The following CCNYL1 variants were observed in gnomAD, a reference collection of about 807,000 sequenced individuals.
CCNYL1 encodes the protein cyclin-Y-like protein 1.
CCNYL1 carries 16 observed loss-of-function variants against 44.2 expected under a neutral mutation model. That is an observed-to-expected ratio of 0.36 (90% confidence interval 0.25 to 0.55). The LOEUF is 0.55. Among genes scored for constraint, CCNYL1 ranks in the 20% least tolerant of loss-of-function variants. The probability of loss-of-function intolerance (pLI) is 0.85; values close to 1 mark genes in which losing one functional copy is unlikely to be tolerated. For missense variants in CCNYL1, 348 were observed against 451.8 expected (o/e 0.77, Z 2.08); for synonymous variants, 159 against 163.2 (o/e 0.97, Z 0.20).
intron 7 of CCNYL1, 141 bp from the exon 8 acceptor site, chr2:207,746,906 G>A: frequency 3.4e-6 from 2 of 596,484 alleles, no homozygotes; most frequent in Non-Finnish European, 5.7e-6. Flanking sequence ...AACCTGGGAG[G>A]CGGAGGTTCT....
At chr2:207,729,882 ATT>A (rs77714154) in intron 3 of CCNYL1, among the ~76,000 whole-genome samples, 4 of 146,230 alleles carry the variant, frequency 2.7e-5, no homozygotes, top group East Asian at 2.0e-4. Context: ...CGCCTGGCTA[ATT>A]TTTTTTTTTT....
intron 7 of CCNYL1, among the ~76,000 whole-genome samples, chr2:207,746,025 T>C (rs2091852472): frequency 6.6e-6 from 1 of 152,230 alleles, no homozygotes; most frequent in Non-Finnish European, 1.5e-5. Context: ...CTGAAATCTT[T>C]ACTCAGCTGT....
At chr2:207,729,126 A>T (rs2091702051) in intron 3 of CCNYL1, among the ~76,000 whole-genome samples, 2 of 152,092 alleles carry the variant, frequency 1.3e-5, no homozygotes, top group African/African-American at 4.8e-5. Flanking sequence ...GGGACCAATA[A>T]GTCTGTAGAC....
At chr2:207,718,065 C>T (rs375373949) in intron 1 of CCNYL1, among the ~76,000 whole-genome samples, 5 of 151,790 alleles carry the variant, frequency 3.3e-5, no homozygotes, top group South Asian at 2.1e-4. Context: ...CCACCACACC[C>T]GGCTCATTTT....
intron 3 of CCNYL1, among the ~76,000 whole-genome samples, chr2:207,727,110 G>A (rs536619464): frequency 6.6e-6 from 1 of 152,208 alleles, no homozygotes; most frequent in East Asian, 1.9e-4. Context: ...TAGTTTGGTT[G>A]TGGTATAAAT....
Position 207,740,694 on chromosome 2 carries a change from A to C in CCNYL1, c.507A>C (p.Ser169=). The C allele has an allele frequency of 6.2e-7, 1 of 1,601,854 alleles. No individual in the cohort carries two copies. Among genetic ancestry groups the C allele is most frequent in the South Asian group, 1.1e-5 (1 of 90,528 alleles). The change falls in exon 6 of 10, where the codon TCA becomes TCC. Residue 169 remains serine (S), a synonymous_variant. Transcript: ENST00000295414. Reference sequence around the variant, plus strand: ...CCCTGGATATTTTTGATGAGAGATCACATCCACTTACAGTAAGTGTCACTT... The same window carrying C: ...CCCTGGATATTTTTGATGAGAGATCCCATCCACTTACAGTAAGTGTCACTT... The part of the protein sequence containing the change: ...NRSLDIFDER[S]HPLTREKVPE...
At chr2:207,725,453 T>A (rs1317757475) in intron 2 of CCNYL1, among the ~76,000 whole-genome samples, 2 of 152,170 alleles carry the variant, frequency 1.3e-5, no homozygotes, top group Admixed American at 1.3e-4. Context: ...TCTCCATACT[T>A]CTTTGACCTC....
At chr2:207,748,053 G>A (rs1349795301) in intron 8 of CCNYL1, among the ~76,000 whole-genome samples, 4 of 152,166 alleles carry the variant, frequency 2.6e-5, no homozygotes, top group East Asian at 1.9e-4. Flanking sequence ...GAGAAGTTAC[G>A]TAGCTTCAAC....
intron 1 of CCNYL1, among the ~76,000 whole-genome samples, chr2:207,723,562 TTAAGA>T: frequency 6.6e-6 from 1 of 152,022 alleles, no homozygotes; most frequent in Non-Finnish European, 1.5e-5. Flanking sequence ...ACAAGATTGG[TTAAGA>T]TAAGTGGCTT....
At chr2:207,750,425 A>C (rs2091883249) in intron 8 of CCNYL1, among the ~76,000 whole-genome samples, 1 of 152,230 alleles carries the variant, frequency 6.6e-6, no homozygotes. Context: ...ATTTGAGATG[A>C]ATCCTTGTTG....
Position 207,728,261 on chromosome 2 carries a change from C to CTT in CCNYL1, c.330+1399_330+1400dup, listed in dbSNP as rs571559698. Among the ~76,000 whole-genome samples the CTT allele has an allele frequency of 7.8e-4, 110 of 140,960 alleles. 1 individual carries two copies. The highest frequency in any genetic ancestry group is 2.0e-3 in the African/African-American group (75 of 38,388). The allele number at this position is 140,960 out of a possible 152,430, so 92.5% of individuals were successfully genotyped here. A position where few individuals can be genotyped will look rare whatever the true frequency, so the allele number is the denominator to read the frequency against. ...ACAGGCATGAGCCACTGCACCTGGC[C>CTT]TTTTTTTTTTTTTTTCTTTTTTTCT... On this transcript the variant is annotated intron_variant, in intron 3 of 9. Coordinates refer to ENST00000295414, the MANE Select transcript of CCNYL1 (RefSeq NM_001330218.2).
intron 1 of CCNYL1, among the ~76,000 whole-genome samples, chr2:207,722,496 T>G (rs1228122642): frequency 6.6e-6 from 1 of 150,616 alleles, no homozygotes; most frequent in Non-Finnish European, 1.5e-5. Flanking sequence ...CTCTTTGATT[T>G]TGGTACTTAA....
Position 207,751,125 on chromosome 2 carries a change from G to T in CCNYL1, c.969+6G>T. On this transcript the variant is annotated splice_donor_region_variant and intron_variant, in intron 9 of 9. Transcript: ENST00000295414. ...AAAGAGCACAGAACCTAGAGGTAAG[G>T]CTATGAAGTCACTAAGTGAGGTTTT... 6.2e-7 allele frequency: 1 copy of T among 1,610,298 alleles called. No homozygotes were observed. The highest frequency in any genetic ancestry group is 8.5e-7 in the Non-Finnish European group (1 of 1,178,410).
intron 7 of CCNYL1, among the ~76,000 whole-genome samples, chr2:207,743,698 G>T (rs766399827): frequency 3.3e-4 from 51 of 152,310 alleles, no homozygotes; most frequent in Admixed American, 1.0e-3. Context: ...GGTAATAAAA[G>T]AACAGAGATC....
intron 3 of CCNYL1, among the ~76,000 whole-genome samples, 178 bp downstream of exon 3, chr2:207,727,054 G>A (rs2091685121): frequency 6.6e-6 from 1 of 152,138 alleles, no homozygotes; most frequent in African/African-American, 2.4e-5. Context: ...CTTTGACTTA[G>A]TGTACCCAAT....
rs2091930148 is a variant in CCNYL1 at position 207,756,130 on chromosome 2, T to TCTC, written c.*2433_*2435dup. On this transcript the variant is annotated 3_prime_UTR_variant, in exon 10 of 10. Coordinates refer to ENST00000295414, the MANE Select transcript of CCNYL1 (RefSeq NM_001330218.2). ...TGCTACAATTTATGTGGTTTTTATT[T>TCTC]CTCATGTTTATATTAAAAGCTAATA... 1 of 152,246 alleles carries TCTC rather than the reference T, an allele frequency of 6.6e-6. No homozygotes were observed. Among genetic ancestry groups the TCTC allele is most frequent in the Non-Finnish European group, 1.5e-5 (1 of 68,034 alleles). The allele number at this position is 152,246 out of a possible 1,614,324, so 9.4% of individuals were successfully genotyped here.
In CCNYL1 at chr2:207,755,205, C is replaced by T. The variant is rs1195352952; in HGVS notation, c.*1507C>T. ...ACCAGTCTAGGCAACATAGTGAGAC[C>T]CTGCCTGTAAAAAAAAATAATAAAA... On this transcript the variant is annotated 3_prime_UTR_variant, in exon 10 of 10. Transcript: ENST00000295414. 1.3e-5 allele frequency: 2 copies of T among 151,794 alleles called. No individual in the cohort carries two copies. The highest frequency in any genetic ancestry group is 2.9e-5 in the Non-Finnish European group (2 of 68,020). The allele number at this position is 151,794 out of a possible 1,614,324, so 9.4% of individuals were successfully genotyped here.
intron 4 of CCNYL1, 27 bp from the exon 5 acceptor site, chr2:207,737,384 A>G (rs1308153132): frequency 3.8e-6 from 6 of 1,572,186 alleles, no homozygotes; most frequent in Non-Finnish European, 5.2e-6. Flanking sequence ...ATCAGTTGTT[A>G]AAAATAATTT....
intron 1 of CCNYL1, among the ~76,000 whole-genome samples, chr2:207,722,903 G>C (rs2091651868): frequency 6.6e-6 from 1 of 151,510 alleles, no homozygotes; most frequent in Non-Finnish European, 1.5e-5. Context: ...AGGTTGCAGT[G>C]AGCCAAGATT....
Sources: allele counts gnomAD v4.1 joint callset (sites outside exome capture counted in the v4.1 genomes callset), GRCh38; gene constraint gnomAD v4.1.1; transcripts MANE v1.5; gene names NCBI Gene and HGNC (gene_info 2026-07-23, HGNC 2026-07-21).